SLC17A7: variants seen among roughly 807,000 people sequenced by gnomAD.
The protein encoded by SLC17A7 is solute carrier family 17 member 7, also known as vesicular glutamate transporter 1.
In SLC17A7, 15 loss-of-function variants were observed where a neutral mutation model predicts 59.1. The ratio of observed to expected loss-of-function variants is 0.25; its 90% CI spans 0.17 to 0.39. SLC17A7 has a LOEUF of 0.39. SLC17A7 is among the 10% of genes least tolerant of loss of function. SLC17A7 has a pLI of 1.00. For synonymous variants in SLC17A7, 353 were observed against 308.9 expected, an observed-to-expected ratio of 1.14 and a Z score of -1.50; for missense variants, 499 against 765.1, an observed-to-expected ratio of 0.65 and a Z score of 4.10.
At chr19:49,432,414 G>A (rs1396905498) in intron 9 of SLC17A7, 105 bp downstream of exon 9, 6 of 1,433,008 alleles carry the variant, frequency 4.2e-6, no homozygotes, top group Non-Finnish European at 5.6e-6. Context: ...GGACTCCTGG[G>A]GCAGGCTGGA....
In SLC17A7 at chr19:49,436,985, C is replaced by T. The variant is rs971501301; in HGVS notation, c.63-184G>A. The T allele has an allele frequency of 3.5e-6, 3 of 867,534 alleles. No homozygotes were observed. Among genetic ancestry groups the T allele is most frequent in the Non-Finnish European group, 5.2e-6 (3 of 582,430 alleles). 53.7% of individuals were successfully genotyped at this position (867,534 alleles called of 1,614,324 possible). ...CCCTGATCCAGAAATCCTCCATCTCCCTCAGACCGGGAATTCAGGCCCCCA... is the reference window on the plus strand; with the variant it reads ...CCCTGATCCAGAAATCCTCCATCTCTCTCAGACCGGGAATTCAGGCCCCCA... On this transcript the variant is annotated intron_variant, in intron 1 of 11. Coordinates refer to ENST00000221485, the MANE Select transcript of SLC17A7 (RefSeq NM_020309.4). This position sits in a 1 kb window ranked among gnomAD's most constrained non-coding sequence, Gnocchi z 4.1.
chr19:49,434,526 C>T (rs2078973229), intron 5 of SLC17A7, 76 bp downstream of exon 5: 6 of 1,367,176 alleles, frequency 4.4e-6, no homozygotes, highest in Non-Finnish European at 6.0e-6. Flanking sequence ...CCAGCCCCTC[C>T]CCGCTCAGAC....
Position 49,431,526 on chromosome 19 carries a change from G to T in SLC17A7, c.1151-78C>A. ...CAGGCTGCCCCACACCGCCCTTCCA[G>T]ACCTGCTCCAGCCCCAAACCGCGTC... is the stretch of plus-strand genomic sequence containing the variant. On this transcript the variant is annotated intron_variant, in intron 9 of 11. Transcript: ENST00000221485. This position sits in a 1 kb window ranked among gnomAD's most constrained non-coding sequence, Gnocchi z 4.6. 8.1e-7 allele frequency: 1 copy of T among 1,232,830 alleles called. No individual in the cohort carries two copies. The highest frequency in any genetic ancestry group is 1.2e-6 in the Non-Finnish European group (1 of 859,664). The allele number at this position is 1,232,830 out of a possible 1,614,324, so 76.4% of individuals were successfully genotyped here.
Position 49,431,563 on chromosome 19 carries a change from G to T in SLC17A7, c.1151-115C>A. The stretch of plus-strand genomic sequence containing the variant: ...CCCCAAACCGCGTCTATCCACCCCA[G>T]TCTGGCCACCTCCACGCCCAGGCCT... On this transcript the variant is annotated intron_variant, in intron 9 of 11. Transcript: ENST00000221485. This position sits in a 1 kb window ranked among gnomAD's most constrained non-coding sequence, Gnocchi z 4.6. The T allele has an allele frequency of 1.2e-6, 1 of 817,274 alleles. No homozygotes were observed. Among genetic ancestry groups the T allele is most frequent in the Non-Finnish European group, 1.9e-6 (1 of 513,484 alleles). The allele number at this position is 817,274 out of a possible 1,614,324, so 50.6% of individuals were successfully genotyped here.
At chr19:49,439,781 C>T (rs1004478128) in intron 1 of SLC17A7, among the ~76,000 whole-genome samples, 1 of 152,156 alleles carries the variant, frequency 6.6e-6, no homozygotes, top group Non-Finnish European at 1.5e-5. Flanking sequence ...TCTCTGGGGA[C>T]CCAAGAGGTA....
chr19:49,431,633 T>A lies in SLC17A7; in HGVS notation c.1151-185A>T, dbSNP rs1221977634. ...CCCGCACCCACCCTAACCAGGCCCCTACTTCTCCAAGACCCAGCCCTGACC... is the reference window on the plus strand; with the variant it reads ...CCCGCACCCACCCTAACCAGGCCCCAACTTCTCCAAGACCCAGCCCTGACC... On this transcript the variant is annotated intron_variant, in intron 9 of 11. Coordinates refer to ENST00000221485, the MANE Select transcript of SLC17A7 (RefSeq NM_020309.4). The surrounding 1 kb of genome is among the most constrained non-coding windows in gnomAD (Gnocchi z 4.6). Among the ~76,000 whole-genome samples the A allele has an allele frequency of 6.6e-6, 1 of 151,804 alleles. No homozygotes were observed. Among genetic ancestry groups the A allele is most frequent in the Non-Finnish European group, 1.5e-5 (1 of 67,940 alleles).
rs1261125383 is a variant in SLC17A7 at position 49,430,153 on chromosome 19, A to T, written c.*366T>A. On this transcript the variant is annotated 3_prime_UTR_variant, in exon 12 of 12. Transcript: ENST00000221485. ...CTGAGTGATCTCAAAGGTTAGCCTGAGAGTCCCTGGAGATAAAGGAAAGCG... is the reference window on the plus strand; with the variant it reads ...CTGAGTGATCTCAAAGGTTAGCCTGTGAGTCCCTGGAGATAAAGGAAAGCG... 1.1e-5 allele frequency: 2 copies of T among 177,756 alleles called. No individual in the cohort carries two copies. The highest frequency in any genetic ancestry group is 4.7e-5 in the African/African-American group (2 of 42,252). The allele number at this position is 177,756 out of a possible 1,614,324, so 11.0% of individuals were successfully genotyped here.
At chr19:49,438,312 A>G (rs1365378465) in intron 1 of SLC17A7, 1 of 152,476 alleles carries the variant, frequency 6.6e-6, no homozygotes. Context: ...AGAGATCCAG[A>G]ATGCAAGAGA....
rs2078967457 is a variant in SLC17A7 at position 49,433,178 on chromosome 19, A to G, written c.868-218T>C. Reference sequence around the variant, plus strand: ...TGAGTGATGAAGGGGTCCTGGCCCTATGGTAGCCTCTCAGGTCCGCAGGTG... The same window carrying G: ...TGAGTGATGAAGGGGTCCTGGCCCTGTGGTAGCCTCTCAGGTCCGCAGGTG... On this transcript the variant is annotated intron_variant, in intron 7 of 11. Transcript: ENST00000221485. The surrounding 1 kb of genome is among the most constrained non-coding windows in gnomAD (Gnocchi z 5.7). 1.7e-6 allele frequency: 1 copy of G among 583,106 alleles called. No individual in the cohort carries two copies. The highest frequency in any genetic ancestry group is 2.9e-5 in the East Asian group (1 of 34,284). The allele number at this position is 583,106 out of a possible 1,614,324, so 36.1% of individuals were successfully genotyped here.
chr19:49,439,291 C>T lies in SLC17A7; in HGVS notation c.62+2027G>A, dbSNP rs980951233. 5.3e-5 allele frequency among the ~76,000 whole-genome samples: 8 copies of T among 152,224 alleles called. 1 individual carries two copies. The highest frequency in any genetic ancestry group is 1.9e-4 in the East Asian group (1 of 5,178). ...TTGTACAACTAAGGAAACTGAGGCT[C>T]GGGGAGCTGAAGTGGCACTCCAAGG... is the stretch of plus-strand genomic sequence containing the variant. On this transcript the variant is annotated intron_variant, in intron 1 of 11. Transcript: ENST00000221485.
chr19:49,430,880 C>A (rs2078956662), intron 11 of SLC17A7, 68 bp from the exon 12 acceptor site: 2 of 1,559,372 alleles, frequency 1.3e-6, no homozygotes, highest in African/African-American at 1.4e-5. Context: ...GAGGGGGAGG[C>A]CTAGAGGAAG....
Position 49,429,611 on chromosome 19 carries a change from G to A in SLC17A7, c.*908C>T, listed in dbSNP as rs2078950187. ...AGAGGGGAAGGATCCCAGATTTTGA[G>A]TCATTAAGCCCCTGAGGGACACAAC... is the stretch of plus-strand genomic sequence containing the variant. On this transcript the variant is annotated 3_prime_UTR_variant, in exon 12 of 12. Coordinates refer to ENST00000221485, the MANE Select transcript of SLC17A7 (RefSeq NM_020309.4). 4 of 398,986 alleles carry A rather than the reference G, an allele frequency of 1.0e-5. No homozygotes were observed. Among genetic ancestry groups the A allele is most frequent in the Non-Finnish European group, 1.8e-5 (4 of 226,084 alleles). 24.7% of individuals were successfully genotyped at this position (398,986 alleles called of 1,614,324 possible).
Position 49,430,497 on chromosome 19 carries a change from C to T in SLC17A7, c.*22G>A. The T allele has an allele frequency of 6.5e-7, 1 of 1,534,176 alleles. No individual in the cohort carries two copies. Among genetic ancestry groups the T allele is most frequent in the Non-Finnish European group, 8.8e-7 (1 of 1,136,148 alleles). ...AGTGGAATGGAGGTCCTGGAAACTG[C>T]CATTCAGTGGGAGGCACATGGTCAG... On this transcript the variant is annotated 3_prime_UTR_variant, in exon 12 of 12. Coordinates refer to ENST00000221485, the MANE Select transcript of SLC17A7 (RefSeq NM_020309.4).
Position 49,436,922 on chromosome 19 carries a change from C to T in SLC17A7, c.63-121G>A. Reference sequence around the variant, plus strand: ...CCAGAATTCTAAGCCCGCACCTCCTCCTTCACCAAGAGTCCAGGTCCCTGG... The same window carrying T: ...CCAGAATTCTAAGCCCGCACCTCCTTCTTCACCAAGAGTCCAGGTCCCTGG... On this transcript the variant is annotated intron_variant, in intron 1 of 11. Coordinates refer to ENST00000221485, the MANE Select transcript of SLC17A7 (RefSeq NM_020309.4). The surrounding 1 kb of genome is among the most constrained non-coding windows in gnomAD (Gnocchi z 4.1). 1 of 1,394,536 alleles carries T rather than the reference C, an allele frequency of 7.2e-7. No individual in the cohort carries two copies. Among genetic ancestry groups the T allele is most frequent in the Admixed American group, 2.4e-5 (1 of 41,112 alleles). The allele number at this position is 1,394,536 out of a possible 1,614,324, so 86.4% of individuals were successfully genotyped here. A position where few individuals can be genotyped will look rare whatever the true frequency, so the allele number is the denominator to read the frequency against.
chr19:49,434,715 TGAG>T (rs1568634924), intron 4 of SLC17A7, 26 bp from the exon 5 acceptor site: 2 of 1,614,082 alleles, frequency 1.2e-6, no homozygotes, highest in Non-Finnish European at 1.7e-6. Context: ...CCAAGGTCAC[TGAG>T]AAGAGGCAGG....
chr19:49,433,343 C>A lies in SLC17A7; in HGVS notation c.867+383G>T. 2.3e-6 allele frequency: 1 copy of A among 427,296 alleles called. No homozygotes were observed. Among genetic ancestry groups the A allele is most frequent in the South Asian group, 2.3e-5 (1 of 44,408 alleles). 26.5% of individuals were successfully genotyped at this position (427,296 alleles called of 1,614,324 possible). ...CTCCTGGGCTCAAGCGATCCTGCAGCCTCCACCCCCAAAGTGTTGGGATTG... is the reference window on the plus strand; with the variant it reads ...CTCCTGGGCTCAAGCGATCCTGCAGACTCCACCCCCAAAGTGTTGGGATTG... On this transcript the variant is annotated intron_variant, in intron 7 of 11. Coordinates refer to ENST00000221485, the MANE Select transcript of SLC17A7 (RefSeq NM_020309.4). The surrounding 1 kb of genome is among the most constrained non-coding windows in gnomAD (Gnocchi z 5.7).
chr19:49,440,318 G>A (rs997279827), intron 1 of SLC17A7, among the ~76,000 whole-genome samples: 1 of 152,210 alleles, frequency 6.6e-6, no homozygotes, highest in Admixed American at 6.5e-5. Flanking sequence ...CAGGGGCATG[G>A]TGCTGATGAG....
chr19:49,429,460 CAG>C lies in SLC17A7; in HGVS notation c.*1057_*1058del, dbSNP rs1219579358. Reference sequence around the variant, plus strand: ...AGGGCAGGATTTACAGTCACAGAGACAGAGACACAAAGACACAACCCTGCACT... The same window carrying C: ...AGGGCAGGATTTACAGTCACAGAGACAGACACAAAGACACAACCCTGCACT... On this transcript the variant is annotated 3_prime_UTR_variant, in exon 12 of 12. Coordinates refer to ENST00000221485, the MANE Select transcript of SLC17A7 (RefSeq NM_020309.4). The C allele has an allele frequency of 1.0e-5, 4 of 399,028 alleles. No homozygotes were observed. The highest frequency in any genetic ancestry group is 4.1e-5 in the African/African-American group (2 of 48,606). The allele number at this position is 399,028 out of a possible 1,614,324, so 24.7% of individuals were successfully genotyped here. A position where few individuals can be genotyped will look rare whatever the true frequency, so the allele number is the denominator to read the frequency against.
At position 49,433,666 on chromosome 19, in the gene SLC17A7, T is replaced by C; in HGVS notation, c.867+60A>G. 6.2e-7 allele frequency: 1 copy of C among 1,609,798 alleles called. No individual in the cohort carries two copies. ...CAGGAACCGTCCCTGATCTACACGC[T>C]GTGCAGGTTCGTGGCTTGCTATCTC... On this transcript the variant is annotated intron_variant, in intron 7 of 11. Transcript: ENST00000221485. This position sits in a 1 kb window ranked among gnomAD's most constrained non-coding sequence, Gnocchi z 5.7.
Sources: gnomAD v4.1 joint callset for allele counts (sites outside exome capture counted in the v4.1 genomes callset) on GRCh38, gnomAD v4.1.1 for gene constraint, Gnocchi (gnomAD v3.1) non-coding constraint, MANE v1.5 for transcripts, NCBI Gene and HGNC (gene_info 2026-07-23, HGNC 2026-07-21) for gene names.